CDH2: variants seen among roughly 807,000 people sequenced by gnomAD.
The protein encoded by CDH2 is cadherin 2.
In CDH2, 17 loss-of-function variants were observed where a neutral mutation model predicts 92.0. The ratio of observed to expected loss-of-function variants is 0.18; its 90% CI spans 0.13 to 0.28. The LOEUF (loss-of-function observed/expected upper bound fraction) is 0.28, where lower values mean the gene tolerates loss of function less well. Among genes scored for constraint, CDH2 ranks in the 10% least tolerant of loss-of-function variants. CDH2 has a pLI of 1.00. For missense variants in CDH2, 862 were observed against 1,133.1 expected (o/e 0.76, Z 3.44); for synonymous variants, 419 against 415.9 (o/e 1.01, Z -0.09).
intron 2 of CDH2, among the ~76,000 whole-genome samples, chr18:28,030,866 A>C (rs1395409174): frequency 6.6e-6 from 1 of 152,020 alleles, no homozygotes; most frequent in Non-Finnish European, 1.5e-5. Flanking sequence ...AACACACTGC[A>C]AAGGAAATTA....
At chr18:28,046,305 G>A (rs1403559323) in intron 2 of CDH2, among the ~76,000 whole-genome samples, 3 of 152,054 alleles carry the variant, frequency 2.0e-5, no homozygotes, top group African/African-American at 7.2e-5. Flanking sequence ...TCCTTAGTAG[G>A]TAACTAAACT....
intron 15 of CDH2, among the ~76,000 whole-genome samples, chr18:27,952,822 G>T (rs560042946): frequency 1.3e-5 from 2 of 152,276 alleles, no homozygotes; most frequent in African/African-American, 4.8e-5. Flanking sequence ...AGCATAACAG[G>T]TATTACTACT....
chr18:28,114,568 T>C (rs575005645), intron 2 of CDH2, among the ~76,000 whole-genome samples: 58 of 152,284 alleles, frequency 3.8e-4, no homozygotes, highest in African/African-American at 1.3e-3. Flanking sequence ...AGCAATAAAA[T>C]GGGCTTTAGT....
At chr18:27,992,892 C>T in intron 8 of CDH2, 52 bp from the exon 9 acceptor site, 1 of 1,417,350 alleles carries the variant, frequency 7.1e-7, no homozygotes, top group Non-Finnish European at 9.8e-7. Flanking sequence ...CACTGAAGGA[C>T]AACTTGTCTT....
chr18:27,966,529 C>A (rs1164823947), intron 14 of CDH2, among the ~76,000 whole-genome samples: 3 of 152,150 alleles, frequency 2.0e-5, no homozygotes, highest in Admixed American at 6.5e-5. Context: ...GATTGGCTAG[C>A]AGACTTTTAA....
At chr18:28,099,086 A>G (rs532779044) in intron 2 of CDH2, among the ~76,000 whole-genome samples, 101 of 152,176 alleles carry the variant, frequency 6.6e-4, no homozygotes, top group Non-Finnish European at 1.3e-3. Context: ...GTTTCAAGGT[A>G]AATTTATCAT....
chr18:28,117,278 C>A (rs1343825155), intron 2 of CDH2, among the ~76,000 whole-genome samples: 1 of 152,052 alleles, frequency 6.6e-6, no homozygotes, highest in Non-Finnish European at 1.5e-5. Flanking sequence ...TATGGCCAGA[C>A]ATGTGATTGC....
At chr18:28,093,290 C>G (rs1392742976) in intron 2 of CDH2, among the ~76,000 whole-genome samples, 3 of 152,108 alleles carry the variant, frequency 2.0e-5, no homozygotes, top group Non-Finnish European at 4.4e-5. Flanking sequence ...ATTTAAACCT[C>G]TGAATCAGAT....
At chr18:28,126,742 A>G (rs569390631) in intron 2 of CDH2, among the ~76,000 whole-genome samples, 1 of 152,266 alleles carries the variant, frequency 6.6e-6, no homozygotes, top group South Asian at 2.1e-4. Context: ...GCTGTGCTTG[A>G]CACAGAAGAT....
chr18:28,096,304 T>C (rs1024564644), intron 2 of CDH2, among the ~76,000 whole-genome samples: 5 of 151,922 alleles, frequency 3.3e-5, no homozygotes, highest in Non-Finnish European at 7.4e-5. Flanking sequence ...AAAATTCCAA[T>C]AGTAAATAAT....
At chr18:27,960,302 C>G (rs184331468) in intron 15 of CDH2, among the ~76,000 whole-genome samples, 1 of 152,084 alleles carries the variant, frequency 6.6e-6, no homozygotes, top group Non-Finnish European at 1.5e-5. Flanking sequence ...TATGCCTGAC[C>G]CTTCCTGGGT....
intron 2 of CDH2, among the ~76,000 whole-genome samples, chr18:28,094,618 C>T (rs1599096181): frequency 6.6e-6 from 1 of 151,696 alleles, no homozygotes; most frequent in South Asian, 2.1e-4. Context: ...CATGGTGAAA[C>T]CCTGTCTCTA....
At chr18:27,995,224 A>T (rs2012542623) in intron 7 of CDH2, among the ~76,000 whole-genome samples, 1 of 151,154 alleles carries the variant, frequency 6.6e-6, no homozygotes, top group Non-Finnish European at 1.5e-5. Context: ...TGAGGCAGGA[A>T]AATCACGTGA....
At chr18:28,049,029 G>A (rs754095087) in intron 2 of CDH2, among the ~76,000 whole-genome samples, 6 of 152,100 alleles carry the variant, frequency 3.9e-5, no homozygotes, top group Non-Finnish European at 8.8e-5. Flanking sequence ...ATTTCATTCC[G>A]TGAACCTAAC....
At chr18:27,955,907 C>T (rs2011235607) in intron 15 of CDH2, among the ~76,000 whole-genome samples, 1 of 152,024 alleles carries the variant, frequency 6.6e-6, no homozygotes, top group Non-Finnish European at 1.5e-5. Context: ...AGTTCTTAGA[C>T]AAGCCAGCTT....
At chr18:28,136,102 T>A (rs1310821800) in intron 2 of CDH2, among the ~76,000 whole-genome samples, 3 of 152,218 alleles carry the variant, frequency 2.0e-5, no homozygotes, top group Non-Finnish European at 4.4e-5. Flanking sequence ...ATACTTAATT[T>A]AAAGTTAACT....
At chr18:28,023,459 G>A (rs181407551) in intron 2 of CDH2, among the ~76,000 whole-genome samples, 1 of 151,920 alleles carries the variant, frequency 6.6e-6, no homozygotes, top group African/African-American at 2.4e-5. Flanking sequence ...AAGTAGCTGG[G>A]AGTACAGGCG....
chr18:27,957,038 C>G (rs1290798901), intron 15 of CDH2, among the ~76,000 whole-genome samples: 1 of 152,090 alleles, frequency 6.6e-6, no homozygotes, highest in Non-Finnish European at 1.5e-5. Flanking sequence ...CCCCCAAACC[C>G]CAAAGCATCA....
intron 2 of CDH2, 40 bp downstream of exon 2, chr18:28,147,633 A>G: frequency 8.0e-7 from 1 of 1,243,448 alleles, no homozygotes. Context: ...TTTCATGAGC[A>G]TGGACACTGC....
Sources: allele counts gnomAD v4.1 joint callset (sites outside exome capture counted in the v4.1 genomes callset), GRCh38; gene constraint gnomAD v4.1.1; transcripts MANE v1.5; gene names NCBI Gene and HGNC (gene_info 2026-07-23, HGNC 2026-07-21).